The following DHX8 variants were observed in gnomAD, a reference collection of about 807,000 sequenced individuals.
The protein encoded by DHX8 is DEAH-box helicase 8.
In DHX8, 67 loss-of-function variants were observed where a neutral mutation model predicts 140.7. The ratio of observed to expected loss-of-function variants is 0.48; its 90% CI spans 0.39 to 0.58. The LOEUF (loss-of-function observed/expected upper bound fraction) is 0.58. DHX8 is among the 20% of genes least tolerant of loss of function. The pLI is 0.00. For synonymous variants in DHX8, 533 were observed against 553.2 expected (o/e 0.96, Z 0.51); for missense variants, 887 against 1,550.7 (o/e 0.57, Z 7.19).
At position 43,504,771 on chromosome 17, in the gene DHX8, C is replaced by T. The variant is rs1598149083; in HGVS notation, c.1674C>T (p.Ile558=). ...ACGGAAAAAAGACCCAGATGTCAAT[C>T]CTTGAGCAGAGGGAGAGCCTGCCCA... ...ASYGKKTQMS[I]LEQRESLPIY... Residue 558 remains isoleucine, a synonymous_variant, in exon 12 of 23, where the codon ATC becomes ATT. Coordinates refer to ENST00000262415, the MANE Select transcript of DHX8 (RefSeq NM_004941.3). 6.2e-7 allele frequency: 1 copy of T among 1,614,122 alleles called. No homozygotes were observed. Among genetic ancestry groups the T allele is most frequent in the Non-Finnish European group, 8.5e-7 (1 of 1,180,024 alleles).
intron 2 of DHX8, among the ~76,000 whole-genome samples, chr17:43,535,024 A>T (rs1198575845): frequency 6.6e-6 from 1 of 152,192 alleles, no homozygotes; most frequent in Non-Finnish European, 1.5e-5. Context: ...CTAACATTAT[A>T]CACATGCTCC....
At chr17:43,533,319 ATGGCGATTTGTC>A in intron 2 of DHX8, 1 of 1,613,740 alleles carries the variant, frequency 6.2e-7, no homozygotes, top group Non-Finnish European at 8.5e-7. Context: ...AGGGGACTTG[ATGGCGATTTGTC>A]TGGGGGGGTC....
intron 3 of DHX8, among the ~76,000 whole-genome samples, chr17:43,538,919 G>A (rs1306245946): frequency 6.6e-6 from 1 of 152,030 alleles, no homozygotes; most frequent in African/African-American, 2.4e-5. Context: ...GGTATGAGAT[G>A]GCTAGAAAAA....
At position 43,524,110 on chromosome 17, in the gene DHX8, A is replaced by T. The variant is rs894029793; in HGVS notation, c.*263A>T. 24 of 1,309,560 alleles carry T rather than the reference A, an allele frequency of 1.8e-5. No homozygotes were observed. In the South Asian group the frequency reaches 3.2e-4, roughly 18 times the overall value. 81.1% of individuals were successfully genotyped at this position (1,309,560 alleles called of 1,614,324 possible). ...ATCTAACACAGAGACACATTGCATC[A>T]ACTTCAAGAAAGGGACAATTTGTGC... On this transcript the variant is annotated 3_prime_UTR_variant, in exon 23 of 23. Transcript: ENST00000262415.
chr17:43,533,515 T>G (rs986200964), intron 2 of DHX8, among the ~76,000 whole-genome samples: 9 of 152,098 alleles, frequency 5.9e-5, no homozygotes, highest in Non-Finnish European at 1.5e-5. Flanking sequence ...GCCAATTCTT[T>G]TCTTTTTCAG....
chr17:43,528,774 G>A (rs772504199), downstream of DHX8: 1 of 1,593,864 alleles, frequency 6.3e-7, no homozygotes, highest in Non-Finnish European at 8.6e-7. Context: ...TGGTCAGCCT[G>A]GCTAGCCGCC....
At chr17:43,540,231 C>T (rs1007488958) in intron 3 of DHX8, among the ~76,000 whole-genome samples, 3 of 152,002 alleles carry the variant, frequency 2.0e-5, no homozygotes, top group Non-Finnish European at 2.9e-5. Flanking sequence ...GGCAGGCAGA[C>T]GATCTGAGGT....
Position 43,523,709 on chromosome 17 carries a change from G to C in DHX8, c.3525G>C (p.Glu1175Asp). The C allele has an allele frequency of 2.5e-6, 4 of 1,614,204 alleles. No individual in the cohort carries two copies. The highest frequency in any genetic ancestry group is 3.4e-6 in the Non-Finnish European group (4 of 1,180,054). ...VTTIDPRWLVEFAPAFFKVSD... is the reference protein window; with the variant it reads ...VTTIDPRWLVDFAPAFFKVSD... ...CCATCGACCCTCGGTGGCTTGTGGA[G>C]TTTGCCCCAGCCTTCTTCAAGGTCT... Residue 1175 changes from glutamate (E) to aspartate (D), a missense_variant, in exon 23 of 23, where the codon GAG becomes GAC. Physicochemically the swap from Glu to Asp is conservative, Grantham distance 45. Around this residue, in one of 9 missense-constraint regions of DHX8, gnomAD observed 101 missense variants for 168.2 expected, o/e 0.60. Coordinates refer to ENST00000262415, the MANE Select transcript of DHX8 (RefSeq NM_004941.3).
chr17:43,537,351 G>C (rs180775236), intron 3 of DHX8, among the ~76,000 whole-genome samples: 3 of 149,994 alleles, frequency 2.0e-5, no homozygotes, highest in Non-Finnish European at 3.0e-5. Flanking sequence ...GGCAACAAGA[G>C]TGAAACTCCA....
In DHX8 at chr17:43,493,903, T is replaced by G; in HGVS notation, c.1212+17T>G. 2 of 1,613,812 alleles carry G rather than the reference T, an allele frequency of 1.2e-6. No individual in the cohort carries two copies. The highest frequency in any genetic ancestry group is 2.2e-5 in the South Asian group (2 of 91,064). ...ATCAAACAGGTTGGGGCCTTTAGTT[T>G]TCATGACCAGATAGTCATTCAGCAT... On this transcript the variant is annotated intron_variant, in intron 8 of 22. Coordinates refer to ENST00000262415, the MANE Select transcript of DHX8 (RefSeq NM_004941.3).
At chr17:43,496,361 A>C in intron 9 of DHX8, 93 bp downstream of exon 9, 1 of 835,652 alleles carries the variant, frequency 1.2e-6, no homozygotes, top group East Asian at 2.6e-5. Flanking sequence ...GCTATTAATC[A>C]TTTGTTCTTT....
downstream of DHX8, among the ~76,000 whole-genome samples, chr17:43,531,478 GT>G (rs1970934222): frequency 6.6e-6 from 1 of 152,156 alleles, no homozygotes; most frequent in African/African-American, 2.4e-5. Context: ...GCTCAAATAT[GT>G]AAGCCACATA....
downstream of DHX8, chr17:43,528,594 A>G (rs769166723): frequency 1.2e-6 from 2 of 1,614,124 alleles, no homozygotes; most frequent in South Asian, 1.1e-5. Flanking sequence ...CGGGGCTCTC[A>G]TCCAAGTGGG....
In DHX8 at chr17:43,524,480, T is replaced by G. The variant is rs907433025; in HGVS notation, c.*633T>G. 7.1e-6 allele frequency: 7 copies of G among 987,538 alleles called. No individual in the cohort carries two copies. The highest frequency in any genetic ancestry group is 7.2e-6 in the Non-Finnish European group (6 of 831,548). 61.2% of individuals were successfully genotyped at this position (987,538 alleles called of 1,614,324 possible). On this transcript the variant is annotated 3_prime_UTR_variant, in exon 23 of 23. Coordinates refer to ENST00000262415, the MANE Select transcript of DHX8 (RefSeq NM_004941.3). ...GGCCTCTTTGCGCTCGGAAACGACG[T>G]ACAACCCAGACTTCCAGCCTTGTCT...
chr17:43,490,606 C>T (rs1968455509), intron 3 of DHX8, 143 bp downstream of exon 3: 4 of 683,194 alleles, frequency 5.9e-6, no homozygotes, highest in Non-Finnish European at 9.6e-6. Flanking sequence ...GGCCTAGCGG[C>T]TCACTGCTGG....
intron 1 of DHX8, among the ~76,000 whole-genome samples, chr17:43,488,948 A>G (rs1384824164): frequency 6.6e-6 from 1 of 152,010 alleles, no homozygotes; most frequent in Non-Finnish European, 1.5e-5. Flanking sequence ...TAAATTCTCT[A>G]GAATATGTGT....
At chr17:43,515,473 C>G (rs1395106885) in intron 17 of DHX8, among the ~76,000 whole-genome samples, 1 of 152,210 alleles carries the variant, frequency 6.6e-6, no homozygotes, top group Non-Finnish European at 1.5e-5. Flanking sequence ...AGGCATAAGC[C>G]ACCGCGCCTG....
intron 7 of DHX8, 45 bp downstream of exon 7, chr17:43,493,634 A>G (rs1174338525): frequency 6.2e-7 from 1 of 1,614,062 alleles, no homozygotes; most frequent in South Asian, 1.1e-5. Context: ...TGGCCAAGGG[A>G]ATGGAAGAGG....
chr17:43,485,142 G>T (rs561788033), intron 1 of DHX8, among the ~76,000 whole-genome samples: 40 of 152,336 alleles, frequency 2.6e-4, no homozygotes, highest in African/African-American at 9.6e-4. Flanking sequence ...GGCTTCTTCA[G>T]TTGTAACAGG....
Sources: gnomAD v4.1 joint callset for allele counts (sites outside exome capture counted in the v4.1 genomes callset) on GRCh38, gnomAD v4.1.1 for gene constraint, gnomAD v4.1.1 regional missense constraint, MANE v1.5 for transcripts, NCBI Gene and HGNC (gene_info 2026-07-23, HGNC 2026-07-21) for gene names.